Variants in PRELID2 observed in about 807,000 individuals in gnomAD.
PRELID2 encodes the protein PRELI domain containing 2, also known as PRELI domain-containing protein 2.
PRELID2 carries 25 observed loss-of-function variants against 28.4 expected under a neutral mutation model. The ratio of observed to expected loss-of-function variants is 0.88; its 90% CI spans 0.64 to 1.23. PRELID2 has a LOEUF of 1.23. Ranked by LOEUF, PRELID2 falls within the 50% of genes most tolerant of loss-of-function variation. The probability of loss-of-function intolerance (pLI) is 0.00; values close to 1 mark genes in which losing one functional copy is unlikely to be tolerated. For synonymous variants in PRELID2, 76 were observed against 71.6 expected, an observed-to-expected ratio of 1.06 and a Z score of -0.31; for missense variants, 201 against 214.4, an observed-to-expected ratio of 0.94 and a Z score of 0.39.
At chr5:145,595,917 C>A (rs750708713) in intron 1 of PRELID2, among the ~76,000 whole-genome samples, 6 of 151,718 alleles carry the variant, frequency 4.0e-5, no homozygotes, top group Non-Finnish European at 8.8e-5. Flanking sequence ...CCAAATATTT[C>A]TTCACTCATA....
chr5:145,408,148 C>T, the PRELID2 span, among the ~76,000 whole-genome samples: 2 of 152,018 alleles, frequency 1.3e-5, no homozygotes, highest in Non-Finnish European at 2.9e-5. Flanking sequence ...AAAATCTGAA[C>T]CGCAGCCCTT....
At chr5:145,632,362 T>C (rs923334717) in intron 1 of PRELID2, among the ~76,000 whole-genome samples, 3 of 152,338 alleles carry the variant, frequency 2.0e-5, no homozygotes, top group African/African-American at 4.8e-5. Context: ...ACAAAAATTA[T>C]AAATCACTTA....
intron 1 of PRELID2, among the ~76,000 whole-genome samples, chr5:145,685,255 G>T (rs1413555315): frequency 6.6e-6 from 1 of 152,068 alleles, no homozygotes; most frequent in East Asian, 1.9e-4. Flanking sequence ...GGCCTCAAAG[G>T]CTTCCAAAGC....
At chr5:145,522,384 T>C (rs1438755900) in intron 1 of PRELID2, among the ~76,000 whole-genome samples, 2 of 151,008 alleles carry the variant, frequency 1.3e-5, no homozygotes, top group East Asian at 1.9e-4. Context: ...TGTATCTATC[T>C]ATAGATACAG....
At chr5:145,452,206 A>C in the PRELID2 span, among the ~76,000 whole-genome samples, 1 of 152,074 alleles carries the variant, frequency 6.6e-6, no homozygotes, top group South Asian at 2.1e-4. Context: ...CCCACATGAC[A>C]CATCATCTGC....
chr5:145,376,418 G>A, the PRELID2 span, among the ~76,000 whole-genome samples: 1 of 152,124 alleles, frequency 6.6e-6, no homozygotes, highest in African/African-American at 2.4e-5. Context: ...CATAGAATGA[G>A]GTGGGGAGGA....
the PRELID2 span, among the ~76,000 whole-genome samples, chr5:145,274,659 T>C: frequency 1.3e-5 from 2 of 152,134 alleles, no homozygotes; most frequent in African/African-American, 4.8e-5. Context: ...TTGTAGTCTA[T>C]CCATTACTTT....
the PRELID2 span, among the ~76,000 whole-genome samples, chr5:145,249,963 C>CTCTCTT: frequency 4.6e-5 from 7 of 151,634 alleles, no homozygotes; most frequent in Admixed American, 1.3e-4. Flanking sequence ...CTCTCTCTCT[C>CTCTCTT]TCCTTTTGAT....
At chr5:145,552,559 C>T (rs555347173) in intron 1 of PRELID2, among the ~76,000 whole-genome samples, 5 of 152,040 alleles carry the variant, frequency 3.3e-5, no homozygotes, top group East Asian at 1.9e-4. Context: ...GAGCAAGCCT[C>T]GGGGATACAA....
At chr5:145,630,566 TA>T (rs1753918805) in intron 1 of PRELID2, among the ~76,000 whole-genome samples, 2 of 152,200 alleles carry the variant, frequency 1.3e-5, no homozygotes, top group African/African-American at 4.8e-5. Context: ...TTTCTTTCCT[TA>T]AAACGTGTTC....
chr5:145,381,619 T>A, the PRELID2 span: 1 of 152,394 alleles, frequency 6.6e-6, no homozygotes, highest in Non-Finnish European at 1.5e-5. Context: ...CCCAACAACG[T>A]AAAGAGCCTT....
At chr5:145,594,209 A>C (rs1753270710) in intron 1 of PRELID2, among the ~76,000 whole-genome samples, 1 of 152,116 alleles carries the variant, frequency 6.6e-6, no homozygotes, top group African/African-American at 2.4e-5. Context: ...TGCATTTATA[A>C]ATTAAAAATA....
chr5:145,817,326 C>A (rs1754418896), intron 4 of PRELID2, among the ~76,000 whole-genome samples: 1 of 140,206 alleles, frequency 7.1e-6, no homozygotes, highest in African/African-American at 2.6e-5. Flanking sequence ...TAAAAAAGAA[C>A]TTAGATACCA....
At chr5:145,542,304 G>A (rs1372092135) in intron 1 of PRELID2, among the ~76,000 whole-genome samples, 1 of 152,132 alleles carries the variant, frequency 6.6e-6, no homozygotes, top group Non-Finnish European at 1.5e-5. Flanking sequence ...AATAGAAAGA[G>A]AAGGGAGTCT....
At chr5:145,577,055 G>A (rs1408894142) in intron 1 of PRELID2, among the ~76,000 whole-genome samples, 2 of 152,220 alleles carry the variant, frequency 1.3e-5, no homozygotes, top group South Asian at 4.1e-4. Flanking sequence ...TCCAGGCTTA[G>A]GGACCCTGCC....
At chr5:145,567,343 ATGGTTTGGTTTGGTTTGGTT>A (rs70998025) in intron 1 of PRELID2, among the ~76,000 whole-genome samples, 1 of 146,208 alleles carries the variant, frequency 6.8e-6, no homozygotes, top group Non-Finnish European at 1.5e-5. Flanking sequence ...ATGAGATCTG[ATGGTTTGGTTTGGTTTGGTT>A]TGGTTTGGTT....
At chr5:145,309,547 T>C in the PRELID2 span, among the ~76,000 whole-genome samples, 1 of 152,240 alleles carries the variant, frequency 6.6e-6, no homozygotes, top group Non-Finnish European at 1.5e-5. Context: ...AAGTATTTGC[T>C]GAAAATATTA....
At chr5:145,692,984 G>T (rs1010629939) in intron 1 of PRELID2, among the ~76,000 whole-genome samples, 9 of 152,028 alleles carry the variant, frequency 5.9e-5, no homozygotes, top group Admixed American at 2.6e-4. Context: ...AATAAGAAGA[G>T]AAAATACAGG....
At chr5:145,243,928 A>C in the PRELID2 span, among the ~76,000 whole-genome samples, 1 of 151,748 alleles carries the variant, frequency 6.6e-6, no homozygotes, top group South Asian at 2.1e-4. Flanking sequence ...TTTACTTCCA[A>C]GTTTCTTGTT....
Sources: gnomAD v4.1 joint callset for allele counts (sites outside exome capture counted in the v4.1 genomes callset) on GRCh38, gnomAD v4.1.1 for gene constraint, MANE v1.5 for transcripts, NCBI Gene and HGNC (gene_info 2026-07-23, HGNC 2026-07-21) for gene names.